The following SPAG16 variants were observed in gnomAD, a reference collection of about 807,000 sequenced individuals.
SPAG16 encodes the protein sperm associated antigen 16.
A neutral mutation model predicts 80.4 loss-of-function variants in SPAG16; 86 were observed. That is an observed-to-expected ratio of 1.07 (90% confidence interval 0.90 to 1.28). The LOEUF is 1.28. SPAG16 is among the 50% of genes most tolerant of loss of function. SPAG16 has a pLI of 0.00. For missense variants in SPAG16, 870 were observed against 765.3 expected (o/e 1.14, Z -1.61); for synonymous variants, 294 against 265.9 (o/e 1.11, Z -1.03).
chr2:213,376,897 A>G (rs1216048422), intron 9 of SPAG16, among the ~76,000 whole-genome samples: 3 of 152,202 alleles, frequency 2.0e-5, no homozygotes, highest in Non-Finnish European at 4.4e-5. Context: ...CCTGAAGTGC[A>G]TAGGACTGTA....
At chr2:213,581,372 A>G (rs2060292520) in intron 10 of SPAG16, among the ~76,000 whole-genome samples, 1 of 152,020 alleles carries the variant, frequency 6.6e-6, no homozygotes, top group Non-Finnish European at 1.5e-5. Flanking sequence ...ATGTACCACC[A>G]TAGTTAGCTA....
intron 12 of SPAG16, among the ~76,000 whole-genome samples, chr2:213,982,139 T>C (rs1297930220): frequency 7.4e-5 from 11 of 149,578 alleles, no homozygotes; most frequent in Non-Finnish European, 8.8e-5. Flanking sequence ...AGTACTACAT[T>C]CAATTTGTAT....
At chr2:213,749,346 A>G (rs917196822) in intron 10 of SPAG16, among the ~76,000 whole-genome samples, 1 of 152,138 alleles carries the variant, frequency 6.6e-6, no homozygotes, top group African/African-American at 2.4e-5. Context: ...CCCAGTTAAC[A>G]TATCCTGGCA....
chr2:213,789,370 T>G (rs1174219258), intron 10 of SPAG16, among the ~76,000 whole-genome samples: 1 of 151,942 alleles, frequency 6.6e-6, no homozygotes, highest in Non-Finnish European at 1.5e-5. Context: ...GATTTTCCAA[T>G]ATCTTATTCC....
intron 11 of SPAG16, among the ~76,000 whole-genome samples, chr2:213,867,644 C>A (rs912757245): frequency 1.3e-5 from 2 of 152,030 alleles, no homozygotes; most frequent in Non-Finnish European, 2.9e-5. Context: ...ATAGCTCGGC[C>A]GTGTTCAGTG....
At chr2:213,814,872 A>AATATATATATATATATATATATAT (rs34269015) in intron 10 of SPAG16, among the ~76,000 whole-genome samples, 2 of 148,200 alleles carry the variant, frequency 1.3e-5, no homozygotes, top group African/African-American at 5.0e-5. Flanking sequence ...AACAGCCTTA[A>AATATATATATATATATATATATAT]ATATATATAT....
At chr2:214,160,378 T>C (rs2056390967) in intron 15 of SPAG16, among the ~76,000 whole-genome samples, 1 of 151,944 alleles carries the variant, frequency 6.6e-6, no homozygotes, top group African/African-American at 2.4e-5. Context: ...TTATCCAAAT[T>C]TGGTTGTAAC....
intron 3 of SPAG16, 37 bp from the exon 4 acceptor site, chr2:213,310,022 T>C: frequency 7.7e-7 from 1 of 1,303,784 alleles, no homozygotes. Context: ...AATGCTTTGA[T>C]GTTTTCAGAA....
chr2:214,370,482 T>C (rs1559249303), intron 15 of SPAG16, among the ~76,000 whole-genome samples: 2 of 152,182 alleles, frequency 1.3e-5, no homozygotes, highest in Non-Finnish European at 2.9e-5. Context: ...TGGTGTACAA[T>C]GTGATGTCTT....
At chr2:213,471,721 TCTC>T (rs1222433304) in intron 9 of SPAG16, among the ~76,000 whole-genome samples, 2 of 152,140 alleles carry the variant, frequency 1.3e-5, no homozygotes, top group African/African-American at 4.8e-5. Context: ...TGCAGAGCCT[TCTC>T]CTGTTCTGGA....
chr2:214,243,117 A>T (rs1487274395), intron 15 of SPAG16, among the ~76,000 whole-genome samples: 6 of 152,196 alleles, frequency 3.9e-5, no homozygotes, highest in African/African-American at 1.4e-4. Flanking sequence ...GATAGAGGAA[A>T]GAGCCTAGAA....
intron 13 of SPAG16, among the ~76,000 whole-genome samples, chr2:214,090,075 A>G (rs1022506077): frequency 1.3e-5 from 2 of 151,990 alleles, no homozygotes; most frequent in African/African-American, 4.8e-5. Flanking sequence ...TATACACAGG[A>G]ATAAGCTTGT....
chr2:213,638,350 C>A (rs2062450720), intron 10 of SPAG16, among the ~76,000 whole-genome samples: 1 of 151,994 alleles, frequency 6.6e-6, no homozygotes, highest in South Asian at 2.1e-4. Context: ...TCTATTCATG[C>A]TCTTTCAAAC....
intron 9 of SPAG16, among the ~76,000 whole-genome samples, chr2:213,429,999 TACTC>T (rs1575570540): frequency 6.6e-6 from 1 of 152,150 alleles, no homozygotes; most frequent in Non-Finnish European, 1.5e-5. Context: ...TAAAAAGAAA[TACTC>T]AATATTCCAG....
intron 11 of SPAG16, among the ~76,000 whole-genome samples, chr2:213,875,105 C>T (rs961484479): frequency 2.9e-5 from 3 of 103,588 alleles, no homozygotes; most frequent in African/African-American, 5.5e-5. Flanking sequence ...CCACATCAAA[C>T]TAATTTTTTT....
At chr2:214,340,565 C>T (rs997908913) in intron 15 of SPAG16, among the ~76,000 whole-genome samples, 17 of 152,218 alleles carry the variant, frequency 1.1e-4, no homozygotes, top group African/African-American at 3.4e-4. Context: ...CATGATGGGC[C>T]GTGGGTGAAC....
chr2:214,037,222 T>C (rs1350459421), intron 13 of SPAG16, among the ~76,000 whole-genome samples: 1 of 139,536 alleles, frequency 7.2e-6, no homozygotes, highest in Non-Finnish European at 1.6e-5. Context: ...TACTTTAATA[T>C]ACACATATAT....
intron 10 of SPAG16, among the ~76,000 whole-genome samples, chr2:213,778,923 A>G (rs1170940007): frequency 6.6e-6 from 1 of 152,150 alleles, no homozygotes; most frequent in African/African-American, 2.4e-5. Context: ...GCAATTTCAA[A>G]GTATTTCTGC....
intron 10 of SPAG16, among the ~76,000 whole-genome samples, chr2:213,860,469 C>A (rs376229746): frequency 0.032 from 4,150 of 131,118 alleles, 103 homozygotes; most frequent in South Asian, 0.064. Flanking sequence ...ACAGATATAT[C>A]TATCTATATA....
Sources: gnomAD v4.1 joint callset for allele counts (sites outside exome capture counted in the v4.1 genomes callset) on GRCh38, gnomAD v4.1.1 for gene constraint, MANE v1.5 for transcripts, NCBI Gene and HGNC (gene_info 2026-07-23, HGNC 2026-07-21) for gene names.